Variants in GALNT13 observed in about 807,000 individuals in gnomAD.
GALNT13 encodes UDP-GalNAc:polypeptide N-acetylgalactosaminyltransferase 13.
GALNT13 carries 28 observed loss-of-function variants against 64.2 expected under a neutral mutation model. The ratio of observed to expected loss-of-function variants is 0.44; its 90% CI spans 0.32 to 0.60. The LOEUF (loss-of-function observed/expected upper bound fraction) is 0.60, where lower values mean the gene tolerates loss of function less well. Among genes scored for constraint, GALNT13 ranks in the 20% least tolerant of loss-of-function variants. The probability of loss-of-function intolerance (pLI) is 0.05; values close to 1 mark genes in which losing one functional copy is unlikely to be tolerated. For missense variants in GALNT13, 577 were observed against 669.8 expected (o/e 0.86, Z 1.53); for synonymous variants, 214 against 224.6 (o/e 0.95, Z 0.42).
chr2:154,319,766 G>C (rs904093365), intron 9 of GALNT13, among the ~76,000 whole-genome samples: 3 of 151,962 alleles, frequency 2.0e-5, no homozygotes, highest in Admixed American at 2.0e-4. Context: ...TTGAGCATTA[G>C]TTGAACAATA....
intron 8 of GALNT13, among the ~76,000 whole-genome samples, chr2:154,261,722 G>C (rs562878835): frequency 6.6e-6 from 1 of 152,102 alleles, no homozygotes; most frequent in Non-Finnish European, 1.5e-5. Context: ...ACAGAGATGC[G>C]TAGGTGTTAT....
rs1484603362 is a variant in GALNT13 at position 154,299,622 on chromosome 2, T to C, written c.976-1787T>C. On this transcript the variant is annotated intron_variant, in intron 8 of 12. Coordinates refer to ENST00000392825, the MANE Select transcript of GALNT13 (RefSeq NM_052917.4). ...GGCGCCCGCCACCATGCCTGGCTAA[T>C]TTTTTTTTTTTTTTCTATTTTTAGT... Among the ~76,000 whole-genome samples the C allele has an allele frequency of 2.5e-4, 2 of 8,080 alleles. 1 individual carries two copies. The highest frequency in any genetic ancestry group is 0.013 in the South Asian group (2 of 156). 5.3% of individuals were successfully genotyped at this position (8,080 alleles called of 152,430 possible). A position where few individuals can be genotyped will look rare whatever the true frequency, so the allele number is the denominator to read the frequency against.
chr2:153,703,252 G>A, the GALNT13 span, among the ~76,000 whole-genome samples: 4 of 151,952 alleles, frequency 2.6e-5, no homozygotes, highest in African/African-American at 9.7e-5. Flanking sequence ...TTTGTTGTTT[G>A]TCTCACCATT....
At chr2:153,507,384 A>C in the GALNT13 span, among the ~76,000 whole-genome samples, 506 of 152,080 alleles carry the variant, frequency 3.3e-3, 3 homozygotes, top group African/African-American at 0.011. Context: ...AAGTTCAAGC[A>C]ATTCTCTTGC....
rs1701021212 is a variant in GALNT13, at chr2:154,076,968, CTAAAATCTGCTCTAT to C, written c.143-63367_143-63353del. Among the ~76,000 whole-genome samples the C allele has an allele frequency of 3.3e-5, 5 of 151,652 alleles. No homozygotes were observed. In the South Asian group the frequency reaches 1.0e-3, roughly 31 times the overall value. ...TTTGCAGCATTTCCTAAGGTGGTCTCTAAAATCTGCTCTATTTTAGCACTTTTAAACTACCATTTG... is the reference window on the plus strand; with the variant it reads ...TTTGCAGCATTTCCTAAGGTGGTCTCTTTAGCACTTTTAAACTACCATTTG... On this transcript the variant is annotated intron_variant, in intron 3 of 12. Transcript: ENST00000392825.
At chr2:154,209,517 C>A (rs938283799) in intron 4 of GALNT13, among the ~76,000 whole-genome samples, 3 of 152,142 alleles carry the variant, frequency 2.0e-5, no homozygotes, top group Non-Finnish European at 4.4e-5. Flanking sequence ...ATTGTGTCTT[C>A]TAAAGCTATA....
chr2:153,667,327 T>C, the GALNT13 span, among the ~76,000 whole-genome samples: 153 of 152,200 alleles, frequency 1.0e-3, 1 homozygote, highest in South Asian at 0.031. Flanking sequence ...CTAAGACACA[T>C]ACTCATCAGA....
the GALNT13 span, among the ~76,000 whole-genome samples, chr2:153,451,421 C>T: frequency 6.6e-6 from 1 of 152,124 alleles, no homozygotes; most frequent in African/African-American, 2.4e-5. Context: ...AAGAAATTCG[C>T]AAAGTATGAG....
chr2:154,367,567 AT>A (rs1697441313), intron 9 of GALNT13, among the ~76,000 whole-genome samples: 1 of 152,152 alleles, frequency 6.6e-6, no homozygotes, highest in Non-Finnish European at 1.5e-5. Context: ...ACTACTTACC[AT>A]TTCAAGAGTA....
intron 2 of GALNT13, among the ~76,000 whole-genome samples, chr2:153,906,816 G>A (rs1206819839): frequency 2.6e-5 from 4 of 151,690 alleles, no homozygotes; most frequent in South Asian, 2.1e-4. Flanking sequence ...CTGAGGAATC[G>A]CCACACTGAC....
the GALNT13 span, among the ~76,000 whole-genome samples, chr2:153,625,513 C>T: frequency 6.6e-6 from 1 of 152,070 alleles, no homozygotes. Flanking sequence ...GTCACACATG[C>T]CACAGAATTT....
chr2:153,900,507 C>T (rs1688166391), intron 1 of GALNT13, among the ~76,000 whole-genome samples: 1 of 152,154 alleles, frequency 6.6e-6, no homozygotes, highest in South Asian at 2.1e-4. Flanking sequence ...AAATTCTTTT[C>T]TAACTCAGTG....
chr2:154,192,518 A>G (rs112376000), intron 4 of GALNT13, among the ~76,000 whole-genome samples: 2,304 of 151,516 alleles, frequency 0.015, 43 homozygotes, highest in African/African-American at 0.05. Flanking sequence ...TGAATGACAT[A>G]TATATATATA....
intron 9 of GALNT13, among the ~76,000 whole-genome samples, chr2:154,355,092 G>A (rs534704357): frequency 3.3e-5 from 5 of 151,968 alleles, no homozygotes; most frequent in Admixed American, 3.3e-4. Flanking sequence ...AAGCTTTTCA[G>A]ACCCCACTCA....
the GALNT13 span, among the ~76,000 whole-genome samples, chr2:153,447,827 C>G: frequency 2.0e-5 from 3 of 152,218 alleles, no homozygotes; most frequent in South Asian, 2.1e-4. Flanking sequence ...AAAAAATGGA[C>G]TTTTAAAGGC....
intron 4 of GALNT13, among the ~76,000 whole-genome samples, chr2:154,162,806 T>A (rs970098082): frequency 1.3e-5 from 2 of 152,026 alleles, no homozygotes; most frequent in African/African-American, 4.8e-5. Context: ...CTAACTAGAG[T>A]GTTAGTTTGG....
At chr2:154,072,536 A>G (rs888494972) in intron 3 of GALNT13, among the ~76,000 whole-genome samples, 2 of 152,032 alleles carry the variant, frequency 1.3e-5, no homozygotes, top group Non-Finnish European at 2.9e-5. Context: ...CCTCTAGCTC[A>G]TAACTATTAC....
At chr2:154,042,695 C>CAT (rs70981696) in intron 3 of GALNT13, among the ~76,000 whole-genome samples, 15,102 of 107,662 alleles carry the variant, frequency 0.14, 1,976 homozygotes, top group East Asian at 0.38. Flanking sequence ...TATCATTATG[C>CAT]ATATATATAT....
At chr2:153,393,520 A>G in the GALNT13 span, among the ~76,000 whole-genome samples, 1 of 152,080 alleles carries the variant, frequency 6.6e-6, no homozygotes, top group African/African-American at 2.4e-5. Flanking sequence ...CCGTTGCTGT[A>G]TAAATACTAC....
Sources: gnomAD v4.1 joint callset for allele counts (sites outside exome capture counted in the v4.1 genomes callset) on GRCh38, gnomAD v4.1.1 for gene constraint, MANE v1.5 for transcripts, NCBI Gene and HGNC (gene_info 2026-07-23, HGNC 2026-07-21) for gene names.